The following PDE1A variants were observed in gnomAD, a reference collection of about 807,000 sequenced individuals.
PDE1A encodes dual specificity calcium/calmodulin-dependent 3',5'-cyclic nucleotide phosphodiesterase 1A.
In PDE1A, 35 loss-of-function variants were observed where a neutral mutation model predicts 61.7. The observed-to-expected ratio is 0.57, with a 90% CI of 0.43 to 0.75. The LOEUF is 0.75. Ranked by LOEUF, PDE1A falls within the 30% of genes least tolerant of loss-of-function variation. PDE1A has a pLI of 0.00. For missense variants in PDE1A, 597 were observed against 630.6 expected, an observed-to-expected ratio of 0.95 and a Z score of 0.57; for synonymous variants, 232 against 213.2, an observed-to-expected ratio of 1.09 and a Z score of -0.77.
At chr2:182,707,387 G>C in the PDE1A span, among the ~76,000 whole-genome samples, 1 of 152,264 alleles carries the variant, frequency 6.6e-6, no homozygotes, top group East Asian at 1.9e-4. Context: ...AAATGGATCA[G>C]TCAATAGTTT....
the PDE1A span, among the ~76,000 whole-genome samples, chr2:182,683,219 G>A: frequency 6.6e-6 from 1 of 151,430 alleles, no homozygotes; most frequent in African/African-American, 2.4e-5. Context: ...CACCTCCTGA[G>A]TAGCTGGGAT....
At chr2:182,674,653 G>T in the PDE1A span, among the ~76,000 whole-genome samples, 4 of 150,496 alleles carry the variant, frequency 2.7e-5, no homozygotes. Context: ...ATTCAGAATT[G>T]CCACCTCTGA....
At chr2:182,560,980 C>T in the PDE1A span, among the ~76,000 whole-genome samples, 12 of 150,160 alleles carry the variant, frequency 8.0e-5, no homozygotes, top group Admixed American at 2.0e-4. Context: ...GAGTTGGTTG[C>T]GAAAATTTTC....
At chr2:182,404,732 G>A (rs1702206440) in intron 1 of PDE1A, among the ~76,000 whole-genome samples, 1 of 151,956 alleles carries the variant, frequency 6.6e-6, no homozygotes, top group Non-Finnish European at 1.5e-5. Flanking sequence ...TAATATCACT[G>A]TCTTCCTCCT....
intron 1 of PDE1A, among the ~76,000 whole-genome samples, chr2:182,395,615 G>A (rs921521360): frequency 6.6e-6 from 1 of 152,282 alleles, no homozygotes; most frequent in Non-Finnish European, 1.5e-5. Context: ...CATTTACTGA[G>A]CGACCTGAAG....
chr2:182,675,288 C>T, the PDE1A span, among the ~76,000 whole-genome samples: 1 of 152,186 alleles, frequency 6.6e-6, no homozygotes, highest in South Asian at 2.1e-4. Flanking sequence ...GACATGATCT[C>T]ATTGTTTTTT....
At chr2:182,675,484 G>T in the PDE1A span, among the ~76,000 whole-genome samples, 1 of 152,272 alleles carries the variant, frequency 6.6e-6, no homozygotes, top group East Asian at 1.9e-4. Context: ...TAATGAGATT[G>T]CTGGGTCAAA....
chr2:182,283,030 T>C (rs1167875500), intron 1 of PDE1A, among the ~76,000 whole-genome samples: 1 of 151,988 alleles, frequency 6.6e-6, no homozygotes, highest in East Asian at 1.9e-4. Context: ...AACACTAAGA[T>C]TATGGGTAGT....
intron 13 of PDE1A, among the ~76,000 whole-genome samples, chr2:182,180,544 A>G (rs757215726): frequency 4.6e-5 from 7 of 152,008 alleles, no homozygotes; most frequent in Non-Finnish European, 7.4e-5. Context: ...AACCTTGGAG[A>G]ATCTGAAAAT....
chr2:182,350,423 G>A (rs748931980), intron 1 of PDE1A, among the ~76,000 whole-genome samples: 4 of 152,104 alleles, frequency 2.6e-5, no homozygotes, highest in Non-Finnish European at 2.9e-5. Context: ...GCTAGCTATC[G>A]TATCTTTATT....
chr2:182,222,330 T>C (rs1325294068), intron 7 of PDE1A, among the ~76,000 whole-genome samples: 1 of 151,886 alleles, frequency 6.6e-6, no homozygotes, highest in Admixed American at 6.6e-5. Flanking sequence ...CTATGACATT[T>C]TGGAAAAGGC....
intron 1 of PDE1A, among the ~76,000 whole-genome samples, chr2:182,312,160 G>A (rs1696021811): frequency 6.6e-6 from 1 of 151,772 alleles, no homozygotes; most frequent in African/African-American, 2.4e-5. Flanking sequence ...TCCTTTTATA[G>A]AATTTTGAGA....
chr2:182,453,566 A>G (rs1035942169), intron 2 of PDE1A, among the ~76,000 whole-genome samples: 7 of 152,118 alleles, frequency 4.6e-5, no homozygotes, highest in African/African-American at 1.7e-4. Context: ...AAGCTTATCC[A>G]CCATGATCAA....
intron 1 of PDE1A, among the ~76,000 whole-genome samples, chr2:182,347,125 GAGT>G (rs1698565541): frequency 3.3e-4 from 1 of 3,020 alleles, no homozygotes; most frequent in African/African-American, 5.3e-4. Context: ...CCAAAAAGCT[GAGT>G]TTTTTTTTTC....
At chr2:182,245,489 T>C (rs1690877276) in intron 2 of PDE1A, among the ~76,000 whole-genome samples, 3 of 152,198 alleles carry the variant, frequency 2.0e-5, no homozygotes, top group African/African-American at 7.2e-5. Context: ...AAAATCCCTA[T>C]ACTTCATCTA....
chr2:182,188,256 T>A (rs1423622565), intron 11 of PDE1A, among the ~76,000 whole-genome samples: 1 of 152,112 alleles, frequency 6.6e-6, no homozygotes, highest in Non-Finnish European at 1.5e-5. Context: ...GAAACTTGGA[T>A]GGGAAGGGGA....
chr2:182,275,234 T>A (rs1007337150), intron 1 of PDE1A, among the ~76,000 whole-genome samples: 2 of 151,996 alleles, frequency 1.3e-5, no homozygotes, highest in Non-Finnish European at 2.9e-5. Context: ...CACGGCAATC[T>A]TGAACCACAG....
At chr2:182,517,225 G>A (rs1690260340) in intron 2 of PDE1A, among the ~76,000 whole-genome samples, 1 of 152,184 alleles carries the variant, frequency 6.6e-6, no homozygotes, top group Admixed American at 6.5e-5. Flanking sequence ...AACTACTTAA[G>A]AGACTTATGT....
At chr2:182,701,193 C>A in the PDE1A span, among the ~76,000 whole-genome samples, 1 of 76,398 alleles carries the variant, frequency 1.3e-5, no homozygotes, top group Admixed American at 1.3e-4. Flanking sequence ...TGCCACCACG[C>A]CCGGCTAATT....
Sources: allele counts gnomAD v4.1 joint callset (sites outside exome capture counted in the v4.1 genomes callset), GRCh38; gene constraint gnomAD v4.1.1; transcripts MANE v1.5; gene names NCBI Gene and HGNC (gene_info 2026-07-23, HGNC 2026-07-21).